Variants in DYNAP observed in about 807,000 individuals in gnomAD.
The protein encoded by DYNAP is dynactin associated protein, also known as dynactin-associated protein.
Under a neutral mutation model 8.5 loss-of-function variants are expected in DYNAP, and 7 were observed. The observed-to-expected ratio is 0.82, with a 90% confidence interval of 0.47 to 1.54. The LOEUF (loss-of-function observed/expected upper bound fraction) is 1.54. Ranked by LOEUF, DYNAP falls within the 40% of genes most tolerant of loss-of-function variation. The pLI is 0.01. For missense variants in DYNAP, 256 were observed against 224.3 expected (o/e 1.14, Z -0.90); for synonymous variants, 77 against 77.9 (o/e 0.99, Z 0.06).
At chr18:54,594,047 C>T (rs1911188316) in intron 1 of DYNAP, among the ~76,000 whole-genome samples, 1 of 152,114 alleles carries the variant, frequency 6.6e-6, no homozygotes, top group Non-Finnish European at 1.5e-5. Context: ...TAACACACCC[C>T]TTCCCTAAAG....
chr18:54,584,933 A>G (rs148267905), upstream of DYNAP, among the ~76,000 whole-genome samples: 187 of 152,314 alleles, frequency 1.2e-3, no homozygotes, highest in Non-Finnish European at 2.1e-3. Flanking sequence ...GTTCAGAGAC[A>G]TGTGGGCCGT....
At chr18:54,597,063 A>G (rs1226572538) in intron 2 of DYNAP, among the ~76,000 whole-genome samples, 2 of 152,148 alleles carry the variant, frequency 1.3e-5, no homozygotes, top group Admixed American at 1.3e-4. Context: ...TCATCCAGGT[A>G]ATAGTGAAAT....
Position 54,598,121 on chromosome 18 carries a change from T to A in DYNAP, c.531T>A (p.Thr177=). ...TAATTSTEPI[T]VAPTDHL is the part of the protein sequence containing the mutation. ...CCACCACTTCCACAGAACCTATAAC[T>A]GTTGCACCTACCGATCATTTATAAT... Residue 177 remains threonine, a synonymous_variant, in exon 3 of 3, where the codon ACT becomes ACA. Transcript: ENST00000648945. The A allele has an allele frequency of 6.2e-7, 1 of 1,611,158 alleles. No homozygotes were observed. Among genetic ancestry groups the A allele is most frequent in the Non-Finnish European group, 8.5e-7 (1 of 1,178,094 alleles).
the DYNAP span, among the ~76,000 whole-genome samples, chr18:54,577,576 T>TA: frequency 9.0e-4 from 37 of 41,336 alleles, no homozygotes; most frequent in African/African-American, 2.8e-3. Context: ...AGACCTTATC[T>TA]AAAAAAAAAA....
At chr18:54,579,557 C>A in the DYNAP span, among the ~76,000 whole-genome samples, 1 of 152,164 alleles carries the variant, frequency 6.6e-6, no homozygotes, top group African/African-American at 2.4e-5. Flanking sequence ...TTGAAATGGA[C>A]AGTTTAAAGA....
At chr18:54,578,045 C>T in the DYNAP span, among the ~76,000 whole-genome samples, 4 of 151,708 alleles carry the variant, frequency 2.6e-5, no homozygotes, top group Non-Finnish European at 5.9e-5. Flanking sequence ...TCAGAGTATT[C>T]GGGACAGACT....
At chr18:54,591,431 G>C (rs1412147703) in intron 1 of DYNAP, 92 bp downstream of exon 1, 35 of 1,383,634 alleles carry the variant, frequency 2.5e-5, no homozygotes, top group Non-Finnish European at 3.3e-5. Flanking sequence ...TTACTATCTA[G>C]CCAACATCAT....
In DYNAP at chr18:54,598,024, C is replaced by T; in HGVS notation, c.434C>T (p.Pro145Leu). ...KPGTPSPACP[P>L]TMTTTSTVPA... ...GGAACACCCTCTCCTGCTTGTCCACCTACAATGACCACCACTTCAACTGTA... is the reference window on the plus strand; with the variant it reads ...GGAACACCCTCTCCTGCTTGTCCACTTACAATGACCACCACTTCAACTGTA... The change falls in exon 3 of 3, where the codon CCT (proline) becomes CTT (leucine). Residue 145 changes from proline to leucine, a missense_variant. Physicochemically the swap from Pro to Leu is moderately conservative, Grantham distance 98 (BLOSUM62 -3). Coordinates refer to ENST00000648945, the MANE Select transcript of DYNAP (RefSeq NM_173629.3). The T allele has an allele frequency of 6.2e-7, 1 of 1,613,470 alleles. No homozygotes were observed. Among genetic ancestry groups the T allele is most frequent in the South Asian group, 1.1e-5 (1 of 91,062 alleles).
At chr18:54,594,854 G>T in intron 1 of DYNAP, 85 bp from the exon 2 acceptor site, 1 of 1,419,294 alleles carries the variant, frequency 7.0e-7, no homozygotes, top group Admixed American at 2.3e-5. Context: ...ATACTCTTAG[G>T]TACTTTTGAT....
upstream of DYNAP, among the ~76,000 whole-genome samples, chr18:54,587,571 C>G (rs371152252): frequency 6.6e-6 from 1 of 152,144 alleles, no homozygotes; most frequent in Non-Finnish European, 1.5e-5. Context: ...TATAAATAAC[C>G]ATGCTAAGAT....
the DYNAP span, among the ~76,000 whole-genome samples, chr18:54,578,440 G>A: frequency 6.6e-6 from 1 of 152,160 alleles, no homozygotes; most frequent in Non-Finnish European, 1.5e-5. Flanking sequence ...ATGCATGGAT[G>A]CATCATAGTG....
the DYNAP span, among the ~76,000 whole-genome samples, chr18:54,576,095 T>G: frequency 6.6e-6 from 1 of 152,230 alleles, no homozygotes; most frequent in Non-Finnish European, 1.5e-5. Flanking sequence ...TATATATGTG[T>G]GTCCCTGTTG....
upstream of DYNAP, among the ~76,000 whole-genome samples, chr18:54,585,876 A>G (rs1910858998): frequency 6.6e-6 from 1 of 152,134 alleles, no homozygotes; most frequent in Non-Finnish European, 1.5e-5. Flanking sequence ...GGATGAAAGG[A>G]GCCAAGTCCT....
the DYNAP span, among the ~76,000 whole-genome samples, chr18:54,581,328 A>C: frequency 6.6e-6 from 1 of 152,242 alleles, no homozygotes; most frequent in Non-Finnish European, 1.5e-5. Flanking sequence ...ATGCAGAAGA[A>C]ATAACGATGC....
At chr18:54,579,355 C>A in the DYNAP span, among the ~76,000 whole-genome samples, 4 of 151,808 alleles carry the variant, frequency 2.6e-5, no homozygotes, top group Non-Finnish European at 5.9e-5. Flanking sequence ...TGGATCTTTG[C>A]AATTAATTCT....
chr18:54,585,416 A>G (rs2144881150), upstream of DYNAP, among the ~76,000 whole-genome samples: 1 of 152,114 alleles, frequency 6.6e-6, no homozygotes, highest in East Asian at 1.9e-4. Flanking sequence ...TTTTCATTCT[A>G]GCTTTTACTC....
the DYNAP span, among the ~76,000 whole-genome samples, chr18:54,581,337 G>C: frequency 1.3e-5 from 2 of 152,202 alleles, no homozygotes; most frequent in African/African-American, 4.8e-5. Flanking sequence ...AAATAACGAT[G>C]CAAGATAATC....
chr18:54,596,913 C>A (rs575315792), intron 2 of DYNAP, among the ~76,000 whole-genome samples: 1 of 152,190 alleles, frequency 6.6e-6, no homozygotes, highest in East Asian at 1.9e-4. Context: ...TCATTCCCTG[C>A]TGTCTTTGTG....
intron 2 of DYNAP, among the ~76,000 whole-genome samples, chr18:54,595,732 G>A (rs1478832706): frequency 1.3e-5 from 2 of 152,078 alleles, no homozygotes; most frequent in Non-Finnish European, 2.9e-5. Context: ...GTATCTTTAA[G>A]TCTTCAGCCC....
Sources: allele counts gnomAD v4.1 joint callset (sites outside exome capture counted in the v4.1 genomes callset), GRCh38; gene constraint gnomAD v4.1.1; transcripts MANE v1.5; gene names NCBI Gene and HGNC (gene_info 2026-07-23, HGNC 2026-07-21).